LRIG1: variants seen among roughly 807,000 people sequenced by gnomAD.
LRIG1 encodes the protein leucine-rich repeats and immunoglobulin-like domains protein 1.
In LRIG1, 48 loss-of-function variants were observed where a neutral mutation model predicts 99.2. That is an observed-to-expected ratio of 0.48 (90% CI 0.38 to 0.62). LRIG1 has a LOEUF of 0.62. Among genes scored for constraint, LRIG1 ranks in the 20% least tolerant of loss-of-function variants. The pLI, the probability that LRIG1 is intolerant of heterozygous loss-of-function variation, is 0.00. For synonymous variants in LRIG1, 772 were observed against 596.1 expected, an observed-to-expected ratio of 1.29 and a Z score of -4.30; for missense variants, 1,646 against 1,434.4, an observed-to-expected ratio of 1.15 and a Z score of -2.38.
rs752397905 is a variant in LRIG1 at position 66,381,651 on chromosome 3, C to T, written c.2618-20G>A. 2.1e-5 allele frequency: 33 copies of T among 1,604,548 alleles called. No homozygotes were observed. Among genetic ancestry groups the T allele is most frequent in the African/African-American group, 6.7e-5 (5 of 74,724 alleles). On this transcript the variant is annotated intron_variant, in intron 16 of 18. Coordinates refer to ENST00000273261, the MANE Select transcript of LRIG1 (RefSeq NM_015541.3). Reference sequence around the variant, plus strand: ...ACACACCTGCAAGTGGATTCCAACACGATTAGAAACTCTGGGCTTGGTATT... The same window carrying T: ...ACACACCTGCAAGTGGATTCCAACATGATTAGAAACTCTGGGCTTGGTATT...
At chr3:66,395,329 C>G (rs1314702128) in intron 11 of LRIG1, among the ~76,000 whole-genome samples, 4 of 152,160 alleles carry the variant, frequency 2.6e-5, no homozygotes, top group African/African-American at 9.7e-5. Flanking sequence ...ACAAAGCAAC[C>G]AAATGGACTG....
chr3:66,384,368 GC>G, intron 13 of LRIG1, 96 bp from the exon 14 acceptor site: 1 of 1,311,830 alleles, frequency 7.6e-7, no homozygotes, highest in Non-Finnish European at 1.1e-6. Context: ...TGTGCCCAGT[GC>G]CAGTTCACTT....
chr3:66,463,422 C>T (rs1700401869), intron 1 of LRIG1, among the ~76,000 whole-genome samples: 1 of 152,188 alleles, frequency 6.6e-6, no homozygotes, highest in Non-Finnish European at 1.5e-5. Flanking sequence ...AAGATGATGG[C>T]GTCTGTGTCA....
chr3:66,444,630 CTT>C (rs1427685242), intron 3 of LRIG1, among the ~76,000 whole-genome samples: 1 of 152,208 alleles, frequency 6.6e-6, no homozygotes, highest in Non-Finnish European at 1.5e-5. Flanking sequence ...AGCAAATTCT[CTT>C]GTCCCATCCC....
rs1336423715 is a variant in LRIG1, at chr3:66,386,083, G to A, written c.1687C>T (p.His563Tyr). 1.2e-6 allele frequency: 2 copies of A among 1,614,072 alleles called. No individual in the cohort carries two copies. The highest frequency in any genetic ancestry group is 1.1e-5 in the South Asian group (1 of 91,088). The change falls in exon 13 of 19, where the codon CAC becomes TAC. Residue 563 changes from histidine (H) to tyrosine (Y), a missense_variant. Transcript: ENST00000273261. ...TGCCCGAAAGTGACCTGACGGAGGT[G>A]CAGGATGGTGGTGTACTCCATCACT... ...GEVMEYTTIL[H>Y]LRQVTFGHEG...
intron 3 of LRIG1, among the ~76,000 whole-genome samples, chr3:66,426,003 T>C (rs892207768): frequency 6.6e-6 from 1 of 152,220 alleles, no homozygotes; most frequent in Non-Finnish European, 1.5e-5. Flanking sequence ...ACTACAGTTC[T>C]GTGAAAGCCT....
chr3:66,384,359 G>C (rs1701258702), intron 13 of LRIG1, 87 bp from the exon 14 acceptor site: 1 of 1,366,394 alleles, frequency 7.3e-7, no homozygotes, highest in Admixed American at 1.8e-5. Flanking sequence ...ACCTGTCACT[G>C]TGCCCAGTGC....
intron 9 of LRIG1, among the ~76,000 whole-genome samples, chr3:66,401,980 C>T (rs1481775145): frequency 6.6e-6 from 1 of 152,132 alleles, no homozygotes; most frequent in African/African-American, 2.4e-5. Flanking sequence ...GCACTAGCCC[C>T]CGCTTCCCAC....
chr3:66,380,898 C>T lies in LRIG1; in HGVS notation c.2771-37G>A, dbSNP rs930962040. On this transcript the variant is annotated intron_variant, in intron 17 of 18. Transcript: ENST00000273261. The stretch of plus-strand genomic sequence containing the variant: ...CGCCAAAGATGGGTTAGAGTCACTG[C>T]TGTGGGAGTCTTCGTCCCCACACAG... 6 of 1,599,446 alleles carry T rather than the reference C, an allele frequency of 3.8e-6. No individual in the cohort carries two copies. In the African/African-American group the frequency reaches 8.0e-5, roughly 21 times the overall value.
intron 13 of LRIG1, 83 bp downstream of exon 13, chr3:66,385,898 A>T: frequency 1.6e-6 from 2 of 1,251,858 alleles, no homozygotes; most frequent in Non-Finnish European, 2.3e-6. Context: ...TGTCTCAGTC[A>T]TCTCTACATG....
chr3:66,382,055 C>G (rs1353513440), intron 16 of LRIG1, among the ~76,000 whole-genome samples: 1 of 152,210 alleles, frequency 6.6e-6, no homozygotes, highest in Non-Finnish European at 1.5e-5. Context: ...GATGCTAAGC[C>G]CAATCCAGTG....
At chr3:66,426,838 C>T (rs929285998) in intron 3 of LRIG1, among the ~76,000 whole-genome samples, 16 of 152,170 alleles carry the variant, frequency 1.1e-4, no homozygotes, top group African/African-American at 3.4e-4. Flanking sequence ...TCCCTAAGAT[C>T]TAAGAAGCTG....
intron 1 of LRIG1, among the ~76,000 whole-genome samples, chr3:66,492,058 G>A: frequency 6.6e-6 from 1 of 152,176 alleles, no homozygotes; most frequent in East Asian, 1.9e-4. Context: ...CTAATCAGTT[G>A]TAAGTTTTCT....
intron 3 of LRIG1, among the ~76,000 whole-genome samples, chr3:66,444,119 G>A (rs1703640071): frequency 6.6e-6 from 1 of 152,186 alleles, no homozygotes; most frequent in Admixed American, 6.5e-5. Context: ...CTCCTGCCGG[G>A]GGAGAGGGGA....
chr3:66,494,897 C>T (rs1197736630), intron 1 of LRIG1, among the ~76,000 whole-genome samples: 1 of 152,190 alleles, frequency 6.6e-6, no homozygotes, highest in Non-Finnish European at 1.5e-5. Flanking sequence ...CATAATTGGA[C>T]AATTAATTGG....
chr3:66,393,989 G>A, intron 12 of LRIG1, 51 bp downstream of exon 12: 3 of 1,593,452 alleles, frequency 1.9e-6, no homozygotes, highest in Non-Finnish European at 1.7e-6. Flanking sequence ...AGTACCTCCT[G>A]GCTTCCTTGT....
At chr3:66,382,157 ACCAAGTTTGCC>A in intron 16 of LRIG1, 105 bp downstream of exon 16, 22 of 1,211,256 alleles carry the variant, frequency 1.8e-5, no homozygotes, top group Non-Finnish European at 2.6e-5. Context: ...CTTCTACTTC[ACCAAGTTTGCC>A]CCATCTAATG....
chr3:66,450,173 G>T (rs1703856462), intron 3 of LRIG1, among the ~76,000 whole-genome samples: 2 of 152,064 alleles, frequency 1.3e-5, no homozygotes, highest in African/African-American at 2.4e-5. Flanking sequence ...ACCCATCAAG[G>T]GAACAAAGGG....
intron 3 of LRIG1, among the ~76,000 whole-genome samples, chr3:66,436,140 G>A (rs1265746246): frequency 4.6e-5 from 7 of 152,238 alleles, no homozygotes; most frequent in African/African-American, 1.7e-4. Context: ...GACAGCTAGC[G>A]TGGCCCTTGC....
Sources: allele counts gnomAD v4.1 joint callset (sites outside exome capture counted in the v4.1 genomes callset), GRCh38; gene constraint gnomAD v4.1.1; transcripts MANE v1.5; gene names NCBI Gene and HGNC (gene_info 2026-07-23, HGNC 2026-07-21).